GNAL: variants seen among roughly 807,000 people sequenced by gnomAD.
The protein encoded by GNAL is G protein subunit alpha L.
Under a neutral mutation model 55.1 loss-of-function variants are expected in GNAL, and 18 were observed. The ratio of observed to expected loss-of-function variants is 0.33; its 90% confidence interval spans 0.23 to 0.48. The LOEUF is 0.48. GNAL is among the 20% of genes least tolerant of loss of function. GNAL has a pLI of 0.99. For synonymous variants in GNAL, 253 were observed against 237.0 expected (o/e 1.07, Z -0.62); for missense variants, 412 against 614.1 (o/e 0.67, Z 3.48).
chr18:11,778,680 G>A (rs1941224), intron 4 of GNAL, among the ~76,000 whole-genome samples: 68,865 of 151,876 alleles, frequency 0.45, 19,836 homozygotes, highest in African/African-American at 0.82. Context: ...TATGGGGTCA[G>A]TGTGGTGGGT....
rs554551460 is a variant in GNAL, at chr18:11,769,031, T to A, written c.624+15086T>A. ...ATATATATTCTATATTATAATATAT[T>A]ATATATAATATATAATATATATAAT... is the stretch of plus-strand genomic sequence containing the variant. On this transcript the variant is annotated intron_variant, in intron 4 of 11. Coordinates refer to ENST00000334049, the MANE Select transcript of GNAL (RefSeq NM_182978.4). 5.4e-3 allele frequency among the ~76,000 whole-genome samples: 476 copies of A among 88,680 alleles called. 98 individuals are homozygous for A. Among genetic ancestry groups the A allele is most frequent in the African/African-American group, 0.03 (333 of 11,092 alleles). The allele number at this position is 88,680 out of a possible 152,430, so 58.2% of individuals were successfully genotyped here.
chr18:11,740,265 T>G (rs1042820641), intron 1 of GNAL, among the ~76,000 whole-genome samples: 3 of 152,004 alleles, frequency 2.0e-5, no homozygotes, highest in Non-Finnish European at 1.5e-5. Flanking sequence ...CCCAGCATTT[T>G]GGGGCACTTC....
At chr18:11,702,842 G>A (rs930382109) in intron 1 of GNAL, among the ~76,000 whole-genome samples, 1 of 151,788 alleles carries the variant, frequency 6.6e-6, no homozygotes, top group Admixed American at 6.6e-5. Flanking sequence ...AAATAGCCCG[G>A]TGCGATGGCT....
At chr18:11,865,018 TAA>T (rs2036229635) in intron 7 of GNAL, among the ~76,000 whole-genome samples, 1 of 152,086 alleles carries the variant, frequency 6.6e-6, no homozygotes, top group Non-Finnish European at 1.5e-5. Context: ...TCCCTCATGA[TAA>T]GACATTAATT....
chr18:11,771,023 T>C (rs1209959493), intron 4 of GNAL, among the ~76,000 whole-genome samples: 4 of 151,978 alleles, frequency 2.6e-5, no homozygotes, highest in Admixed American at 2.6e-4. Flanking sequence ...GAGACCAGCC[T>C]GGCCAACATG....
At chr18:11,770,641 A>G (rs1568019547) in intron 4 of GNAL, among the ~76,000 whole-genome samples, 1 of 152,146 alleles carries the variant, frequency 6.6e-6, no homozygotes, top group Non-Finnish European at 1.5e-5. Flanking sequence ...TTTAATCCAC[A>G]GGAGTGTACC....
At chr18:11,804,860 A>C (rs1459489750) in intron 4 of GNAL, among the ~76,000 whole-genome samples, 2 of 143,878 alleles carry the variant, frequency 1.4e-5, no homozygotes, top group African/African-American at 5.4e-5. Flanking sequence ...GGTGAAGTAC[A>C]GGTGCAGTTT....
intron 11 of GNAL, among the ~76,000 whole-genome samples, chr18:11,879,487 C>CA (rs1188471471): frequency 1.3e-5 from 2 of 152,198 alleles, no homozygotes; most frequent in African/African-American, 2.4e-5. Flanking sequence ...AGTCTGAAAT[C>CA]AAGGTGCGGG....
chr18:11,863,124 C>G (rs2036185988), intron 6 of GNAL, among the ~76,000 whole-genome samples: 1 of 152,156 alleles, frequency 6.6e-6, no homozygotes, highest in Non-Finnish European at 1.5e-5. Context: ...AGTGATACAC[C>G]TGCCTTGGCC....
intron 2 of GNAL, chr18:11,753,421 A>C: frequency 1.9e-6 from 1 of 522,576 alleles, no homozygotes; most frequent in South Asian, 3.3e-5. Context: ...AAATGTGTGC[A>C]TTCAAGTTTG....
chr18:11,788,912 A>AT (rs1485147640), intron 4 of GNAL, among the ~76,000 whole-genome samples: 288 of 68,676 alleles, frequency 4.2e-3, no homozygotes, highest in South Asian at 0.013. Context: ...AAAAAAAAAA[A>AT]AAATATATAT....
intron 4 of GNAL, among the ~76,000 whole-genome samples, chr18:11,804,108 G>C (rs1446931216): frequency 6.6e-6 from 1 of 151,228 alleles, no homozygotes; most frequent in Non-Finnish European, 1.5e-5. Flanking sequence ...AGTTTGAGTG[G>C]AACACGGAGA....
At chr18:11,734,873 G>A (rs372868415) in intron 1 of GNAL, among the ~76,000 whole-genome samples, 7 of 148,884 alleles carry the variant, frequency 4.7e-5, no homozygotes, top group African/African-American at 1.0e-4. Context: ...TTAGACCAGC[G>A]TCCCCTATCT....
chr18:11,855,427 A>C (rs961707477), intron 5 of GNAL, among the ~76,000 whole-genome samples: 5 of 152,206 alleles, frequency 3.3e-5, no homozygotes, highest in Non-Finnish European at 5.9e-5. Flanking sequence ...TTCCGCCTTC[A>C]AGTGCACAAT....
chr18:11,690,574 G>A (rs1045455544), intron 1 of GNAL, among the ~76,000 whole-genome samples: 25 of 149,492 alleles, frequency 1.7e-4, no homozygotes, highest in Admixed American at 2.0e-4. Flanking sequence ...TCGTCATTTA[G>A]CATTAGGTAT....
chr18:11,739,936 C>G (rs980461741), intron 1 of GNAL, among the ~76,000 whole-genome samples: 2 of 152,036 alleles, frequency 1.3e-5, no homozygotes, highest in African/African-American at 4.8e-5. Flanking sequence ...TTAAAACCTC[C>G]CCCTGCGTTC....
At chr18:11,788,508 T>TA (rs1386379132) in intron 4 of GNAL, among the ~76,000 whole-genome samples, 6 of 152,352 alleles carry the variant, frequency 3.9e-5, no homozygotes, top group African/African-American at 1.2e-4. Flanking sequence ...TACTGTCCTA[T>TA]AGTCCTTTTT....
chr18:11,707,927 C>T (rs898744602), intron 1 of GNAL, among the ~76,000 whole-genome samples: 3 of 152,356 alleles, frequency 2.0e-5, no homozygotes, highest in South Asian at 2.1e-4. Flanking sequence ...GCAGCTTCCT[C>T]GCCTCTCTCA....
At chr18:11,732,313 A>G (rs747829436) in intron 1 of GNAL, among the ~76,000 whole-genome samples, 1 of 152,196 alleles carries the variant, frequency 6.6e-6, no homozygotes, top group Admixed American at 6.5e-5. Flanking sequence ...GAAGGGTTCT[A>G]ATTTTTCCAC....
Sources: gnomAD v4.1 joint callset for allele counts (sites outside exome capture counted in the v4.1 genomes callset) on GRCh38, gnomAD v4.1.1 for gene constraint, MANE v1.5 for transcripts, NCBI Gene and HGNC (gene_info 2026-07-23, HGNC 2026-07-21) for gene names.